ARMH4: variants seen among roughly 807,000 people sequenced by gnomAD.
ARMH4 encodes armadillo like helical domain containing 4.
Under a neutral mutation model 61.9 loss-of-function variants are expected in ARMH4, and 49 were observed. The observed-to-expected ratio is 0.79, with a 90% CI of 0.63 to 1.00. The LOEUF is 1.00. ARMH4 is among the 50% of genes least tolerant of loss of function. The pLI is 0.00. For synonymous variants in ARMH4, 368 were observed against 341.5 expected (o/e 1.08, Z -0.85); for missense variants, 934 against 930.0 (o/e 1.00, Z -0.06).
At chr14:58,113,592 G>A (rs7151771) in intron 4 of ARMH4, among the ~76,000 whole-genome samples, 85,956 of 151,616 alleles carry the variant, frequency 0.57, 24,726 homozygotes, top group Middle Eastern at 0.65. Context: ...TGTTATCTCC[G>A]TATCTCTTCC....
chr14:58,150,568 A>G lies in ARMH4; in HGVS notation c.-57+1507T>C, dbSNP rs573989726. 2.6e-5 allele frequency among the ~76,000 whole-genome samples: 4 copies of G among 152,078 alleles called. No homozygotes were observed. In the East Asian group the frequency reaches 7.7e-4, roughly 29 times the overall value. On this transcript the variant is annotated intron_variant, in intron 1 of 7. Coordinates refer to ENST00000267485, the MANE Select transcript of ARMH4 (RefSeq NM_001001872.4). ...TAATATTGTAAAGGTCTGGCAGGAA[A>G]CTCCGGAATATGTAGTAAGAAGCCT... is the stretch of plus-strand genomic sequence containing the variant.
At chr14:58,133,383 T>A in intron 2 of ARMH4, 42 bp from the exon 3 acceptor site, 7 of 1,001,360 alleles carry the variant, frequency 7.0e-6, no homozygotes, top group Non-Finnish European at 6.9e-6. Context: ...CAAATCCCTA[T>A]TTTTTTAAAA....
intron 5 of ARMH4, among the ~76,000 whole-genome samples, chr14:58,060,587 GAC>G (rs1884496153): frequency 9.9e-5 from 15 of 152,168 alleles, no homozygotes; most frequent in Non-Finnish European, 1.9e-4. Context: ...AAGCATCTGT[GAC>G]ATTGACTTTG....
At chr14:58,010,280 TG>T (rs1882358329) in intron 6 of ARMH4, among the ~76,000 whole-genome samples, 1 of 152,190 alleles carries the variant, frequency 6.6e-6, no homozygotes, top group African/African-American at 2.4e-5. Flanking sequence ...TCTATGTACA[TG>T]TATCTTCTCA....
chr14:58,093,300 C>A (rs1184630411), intron 5 of ARMH4, among the ~76,000 whole-genome samples: 1 of 152,098 alleles, frequency 6.6e-6, no homozygotes, highest in Non-Finnish European at 1.5e-5. Flanking sequence ...CCTAAGTGAT[C>A]CTCCCACCTC....
intron 4 of ARMH4, among the ~76,000 whole-genome samples, chr14:58,127,961 C>T (rs2139947155): frequency 6.6e-6 from 1 of 152,304 alleles, no homozygotes; most frequent in Admixed American, 6.5e-5. Flanking sequence ...TACTATCTGA[C>T]ACAAATAGAC....
At chr14:58,041,706 T>C (rs1188779479) in intron 5 of ARMH4, among the ~76,000 whole-genome samples, 1 of 152,088 alleles carries the variant, frequency 6.6e-6, no homozygotes, top group Non-Finnish European at 1.5e-5. Context: ...ATCCATCTCA[T>C]GTGCAGAGAC....
At chr14:58,100,308 C>A (rs184808164) in intron 4 of ARMH4, among the ~76,000 whole-genome samples, 50 of 152,294 alleles carry the variant, frequency 3.3e-4, no homozygotes, top group African/African-American at 1.2e-3. Context: ...TGCCAGGCAG[C>A]CCTCTAGGCC....
rs748849717 is a variant in ARMH4 at position 58,005,122 on chromosome 14, T to C, written c.2182A>G (p.Ile728Val). The C allele has an allele frequency of 2.5e-6, 4 of 1,614,042 alleles. No homozygotes were observed. In the Admixed American group the frequency reaches 5.0e-5, roughly 20 times the overall value. ...VGVGIAGALF[I>V]LGALYSIKVM... ...TTAATGCTGTAGAGGGCTCCCAAGA[T>C]GAACAAGGCTCCAGCTATCCCAACC... The change falls in exon 7 of 8, where the codon ATC (isoleucine) becomes GTC (valine). Residue 728 changes from isoleucine (I) to valine (V), a missense_variant. By Grantham distance (29) the Ile-to-Val change is conservative. Coordinates refer to ENST00000267485, the MANE Select transcript of ARMH4 (RefSeq NM_001001872.4).
rs866109600 is a variant in ARMH4 at position 58,074,683 on chromosome 14, T to C, written c.2089+22041A>G. Among the ~76,000 whole-genome samples the C allele has an allele frequency of 9.9e-5, 15 of 152,080 alleles. No homozygotes were observed. The South Asian group carries it at 2.9e-3, about 29-fold the overall frequency. On this transcript the variant is annotated intron_variant, in intron 5 of 7. Coordinates refer to ENST00000267485, the MANE Select transcript of ARMH4 (RefSeq NM_001001872.4). ...CATGATGCGGTTTTCCACCATACCA[T>C]GCAATAGACGTAAATAGCCTCGAAA...
intron 5 of ARMH4, among the ~76,000 whole-genome samples, chr14:58,081,134 CTCTCTT>C (rs1885212738): frequency 8.0e-6 from 1 of 125,016 alleles, no homozygotes. Context: ...AATAAAGAGT[CTCTCTT>C]ACTCTCCCAA....
chr14:58,118,513 T>TGGGGGGGGGGGGGGGGGG (rs1566588515), intron 4 of ARMH4, among the ~76,000 whole-genome samples: 1 of 78,576 alleles, frequency 1.3e-5, no homozygotes, highest in Non-Finnish European at 2.4e-5. Flanking sequence ...GGGGCGGGGG[T>TGGGGGGGGGGGGGGGGGG]GGGGAGTAGA....
rs1026137176 is a variant in ARMH4, at chr14:58,018,148, A to G, written c.2090-5998T>C. ...TCAAAATGAATTAAAACTTAAATAT[A>G]AGACCGGAAATTATAAATCTACTAG... On this transcript the variant is annotated intron_variant, in intron 5 of 7. Coordinates refer to ENST00000267485, the MANE Select transcript of ARMH4 (RefSeq NM_001001872.4). Among the ~76,000 whole-genome samples the G allele has an allele frequency of 2.6e-5, 4 of 152,192 alleles. No individual in the cohort carries two copies. In the East Asian group the frequency reaches 7.7e-4, roughly 29 times the overall value.
chr14:58,025,316 T>C (rs1452696802), intron 5 of ARMH4, among the ~76,000 whole-genome samples: 1 of 152,148 alleles, frequency 6.6e-6, no homozygotes, highest in Non-Finnish European at 1.5e-5. Flanking sequence ...AGCACTCCCA[T>C]ATAGCATTGT....
At chr14:58,094,054 G>C (rs931466032) in intron 5 of ARMH4, among the ~76,000 whole-genome samples, 5 of 152,132 alleles carry the variant, frequency 3.3e-5, no homozygotes, top group African/African-American at 1.2e-4. Flanking sequence ...CTGTGGCTGG[G>C]CACGGTGGGT....
chr14:58,070,430 C>G (rs1884847402), intron 5 of ARMH4, among the ~76,000 whole-genome samples: 1 of 152,038 alleles, frequency 6.6e-6, no homozygotes, highest in African/African-American at 2.4e-5. Context: ...TAAGAGTCAC[C>G]CAAGACCACA....
chr14:58,041,172 C>A (rs1883687647), intron 5 of ARMH4, among the ~76,000 whole-genome samples: 1 of 152,148 alleles, frequency 6.6e-6, no homozygotes, highest in Admixed American at 6.5e-5. Flanking sequence ...GGCATCGCCT[C>A]ACCCGGGAAG....
intron 6 of ARMH4, among the ~76,000 whole-genome samples, chr14:58,009,103 A>G (rs1882291296): frequency 6.6e-6 from 1 of 152,206 alleles, no homozygotes; most frequent in African/African-American, 2.4e-5. Context: ...CTTCTTCTAT[A>G]GCAAAAGAGC....
chr14:58,126,820 T>G (rs1886910356), intron 4 of ARMH4, among the ~76,000 whole-genome samples: 1 of 151,186 alleles, frequency 6.6e-6, no homozygotes, highest in African/African-American at 2.4e-5. Flanking sequence ...TTTTTTTTTT[T>G]GAGATGGAAT....
Sources: allele counts gnomAD v4.1 joint callset (sites outside exome capture counted in the v4.1 genomes callset), GRCh38; gene constraint gnomAD v4.1.1; transcripts MANE v1.5; gene names NCBI Gene and HGNC (gene_info 2026-07-23, HGNC 2026-07-21).